DRC8: variants seen among roughly 807,000 people sequenced by gnomAD.
The protein encoded by DRC8 is dynein regulatory complex subunit 8.
the DRC8 span, among the ~76,000 whole-genome samples, chr1:245,057,400 G>A: frequency 6.6e-6 from 1 of 152,158 alleles, no homozygotes; most frequent in Non-Finnish European, 1.5e-5. Context: ...TTAACCCAAT[G>A]TGTCTAAAGT....
the DRC8 span, among the ~76,000 whole-genome samples, chr1:245,062,223 A>T: frequency 3.9e-5 from 6 of 152,334 alleles, no homozygotes; most frequent in South Asian, 6.2e-4. Flanking sequence ...AATTTTTATA[A>T]CTTTCAGCCC....
chr1:245,105,851 A>G, the DRC8 span, among the ~76,000 whole-genome samples: 1 of 152,084 alleles, frequency 6.6e-6, no homozygotes, highest in Admixed American at 6.5e-5. Flanking sequence ...CCAAGGCAGG[A>G]AGTTCACCTG....
chr1:245,099,006 C>A, the DRC8 span, among the ~76,000 whole-genome samples: 7 of 152,226 alleles, frequency 4.6e-5, no homozygotes, highest in African/African-American at 1.7e-4. Flanking sequence ...GAAATGCAAC[C>A]ATCACACCCT....
chr1:245,017,433 C>A, the DRC8 span: 1 of 1,128,860 alleles, frequency 8.9e-7, no homozygotes, highest in Non-Finnish European at 1.2e-6. Flanking sequence ...ATTTATTATG[C>A]TCTTTTAAGT....
chr1:245,007,981 A>C, the DRC8 span, among the ~76,000 whole-genome samples: 1 of 152,112 alleles, frequency 6.6e-6, no homozygotes, highest in Admixed American at 6.6e-5. Context: ...CCTGGTCAGC[A>C]CAGAGTGACC....
chr1:245,062,970 C>T, the DRC8 span, among the ~76,000 whole-genome samples: 2 of 152,178 alleles, frequency 1.3e-5, no homozygotes, highest in Admixed American at 6.5e-5. Flanking sequence ...CCCAGGTCTA[C>T]AATTACCTAA....
chr1:245,067,132 T>C, the DRC8 span, among the ~76,000 whole-genome samples: 1 of 152,124 alleles, frequency 6.6e-6, no homozygotes, highest in African/African-American at 2.4e-5. Context: ...TATTTACTTA[T>C]TTACTTATTT....
At chr1:245,087,628 T>C in the DRC8 span, 1 of 1,068,238 alleles carries the variant, frequency 9.4e-7, no homozygotes, top group South Asian at 3.4e-5. Context: ...TTTTCTACAA[T>C]AAAACTCAGG....
the DRC8 span, among the ~76,000 whole-genome samples, chr1:245,016,191 G>A: frequency 2.0e-5 from 3 of 152,048 alleles, no homozygotes; most frequent in Admixed American, 6.6e-5. Flanking sequence ...CTGTTGGCCA[G>A]GCTGGTCTCA....
the DRC8 span, among the ~76,000 whole-genome samples, chr1:245,005,915 C>T: frequency 6.6e-6 from 1 of 151,834 alleles, no homozygotes; most frequent in South Asian, 2.1e-4. Context: ...CAGGAGTGTC[C>T]GTCACAAAGG....
At chr1:245,075,886 A>G in the DRC8 span, among the ~76,000 whole-genome samples, 22 of 152,198 alleles carry the variant, frequency 1.4e-4, no homozygotes, top group Non-Finnish European at 3.1e-4. Context: ...AGTTTGGTGG[A>G]TATTTGTTAC....
At chr1:245,101,761 G>C in the DRC8 span, among the ~76,000 whole-genome samples, 1 of 151,740 alleles carries the variant, frequency 6.6e-6, no homozygotes, top group Admixed American at 6.6e-5. Flanking sequence ...AGTATTTTTT[G>C]CTTTTTAGTA....
At chr1:245,039,157 T>C in the DRC8 span, among the ~76,000 whole-genome samples, 1 of 149,394 alleles carries the variant, frequency 6.7e-6, no homozygotes, top group Admixed American at 6.7e-5. Flanking sequence ...AACGAATGAA[T>C]GGATAAGGAA....
the DRC8 span, among the ~76,000 whole-genome samples, chr1:245,112,534 G>A: frequency 2.0e-5 from 3 of 152,212 alleles, no homozygotes; most frequent in Non-Finnish European, 4.4e-5. Flanking sequence ...CATTGTGAAA[G>A]CAGGTAACTT....
At chr1:245,007,627 G>C in the DRC8 span, among the ~76,000 whole-genome samples, 1 of 152,178 alleles carries the variant, frequency 6.6e-6, no homozygotes, top group African/African-American at 2.4e-5. Flanking sequence ...GTATAGAGTT[G>C]CTTGTAACAC....
At chr1:245,123,320 A>G in the DRC8 span, 1 of 152,256 alleles carries the variant, frequency 6.6e-6, no homozygotes, top group Non-Finnish European at 1.5e-5. The surrounding 1 kb of genome is among the most constrained non-coding windows in gnomAD (Gnocchi z 5.0). Context: ...TGGACACAGC[A>G]TCAACCTGAC....
At chr1:245,070,282 A>G in the DRC8 span, among the ~76,000 whole-genome samples, 1 of 152,228 alleles carries the variant, frequency 6.6e-6, no homozygotes, top group African/African-American at 2.4e-5. Context: ...TTATATGGCA[A>G]TGACCATATT....
chr1:245,052,733 T>C, the DRC8 span, among the ~76,000 whole-genome samples: 1 of 152,096 alleles, frequency 6.6e-6, no homozygotes, highest in South Asian at 2.1e-4. Flanking sequence ...GAAGTGCAGG[T>C]TTTAGAATGT....
chr1:244,996,400 G>A, the DRC8 span, among the ~76,000 whole-genome samples: 1 of 152,176 alleles, frequency 6.6e-6, no homozygotes, highest in Non-Finnish European at 1.5e-5. Flanking sequence ...CTGCACGAAT[G>A]TGTGAAAGCC....
Sources: gnomAD v4.1 joint callset for allele counts (sites outside exome capture counted in the v4.1 genomes callset) on GRCh38, gnomAD v4.1.1 for gene constraint, Gnocchi (gnomAD v3.1) non-coding constraint, MANE v1.5 for transcripts, NCBI Gene and HGNC (gene_info 2026-07-23, HGNC 2026-07-21) for gene names.